The following CD101 variants were observed in gnomAD, a reference collection of about 807,000 sequenced individuals.
CD101 encodes immunoglobulin superfamily member 2.
A neutral mutation model predicts 98.2 loss-of-function variants in CD101; 76 were observed. That is an observed-to-expected ratio of 0.77 (90% CI 0.64 to 0.94). The LOEUF (loss-of-function observed/expected upper bound fraction) is 0.94, where lower values mean the gene tolerates loss of function less well. Ranked by LOEUF, CD101 falls within the 40% of genes least tolerant of loss-of-function variation. The pLI, the probability that CD101 is intolerant of heterozygous loss-of-function variation, is 0.00. For missense variants in CD101, 1,145 were observed against 1,218.8 expected, an observed-to-expected ratio of 0.94 and a Z score of 0.90; for synonymous variants, 471 against 472.7, an observed-to-expected ratio of 1.00 and a Z score of 0.05.
chr1:117,024,494 AAAATAAATAAAT>A (rs55950136), intron 7 of CD101, among the ~76,000 whole-genome samples: 7 of 150,406 alleles, frequency 4.7e-5, no homozygotes, highest in African/African-American at 9.7e-5. Context: ...AAATAAAATA[AAAATAAATAAAT>A]AAATAAATAA....
chr1:117,025,728 A>G lies in CD101; in HGVS notation c.2648A>G (p.His883Arg). The G allele has an allele frequency of 6.2e-7, 1 of 1,614,178 alleles. No individual in the cohort carries two copies. Among genetic ancestry groups the G allele is most frequent in the South Asian group, 1.1e-5 (1 of 91,090 alleles). ...GAAGAGGGGCTCAGGAGGCACCTGC[A>G]CTGTTACCGTTCATCCTCTACAGAC... The part of the protein sequence containing the change: ...YGEEGLRRHL[H>R]CYRSSSTDFV... The change falls in exon 8 of 10, where the codon CAC becomes CGC. Residue 883 changes from histidine to arginine, a missense_variant. Coordinates refer to ENST00000682167, the MANE Select transcript of CD101 (RefSeq NM_001256106.3).
intron 1 of CD101, 116 bp downstream of exon 1, chr1:117,001,976 G>A: frequency 1.1e-6 from 1 of 937,452 alleles, no homozygotes; most frequent in South Asian, 1.5e-5. Context: ...ATATATTTCT[G>A]ATGTTAGCAA....
chr1:117,009,956 A>T lies in CD101; in HGVS notation c.150A>T (p.Gly50=), dbSNP rs1553185147. The T allele has an allele frequency of 1.2e-6, 2 of 1,614,046 alleles. No individual in the cohort carries two copies. Among genetic ancestry groups the T allele is most frequent in the Non-Finnish European group, 8.5e-7 (1 of 1,180,042 alleles). The change falls in exon 2 of 10, where the codon GGA becomes GGT. Residue 50 remains glycine (G), a synonymous_variant. Coordinates refer to ENST00000682167, the MANE Select transcript of CD101 (RefSeq NM_001256106.3). ...GCTGCAATGTAACTGGCCACCAGGG[A>T]CCTTCTGAGCAGCATTTCCAGTGGT... The part of the protein sequence containing the change: ...SIGCNVTGHQ[G]PSEQHFQWSV...
intron 1 of CD101, among the ~76,000 whole-genome samples, chr1:117,009,239 G>A (rs1652728769): frequency 6.6e-6 from 1 of 152,222 alleles, no homozygotes; most frequent in Non-Finnish European, 1.5e-5. Flanking sequence ...TAAAGCTATA[G>A]TGGCTCTTTA....
intron 4 of CD101, 21 bp downstream of exon 4, chr1:117,013,813 G>A (rs200091316): frequency 5.7e-6 from 9 of 1,592,238 alleles, no homozygotes; most frequent in East Asian, 2.2e-5. Flanking sequence ...TCAAGGCCAG[G>A]CATGCATTGG....
chr1:117,026,400 C>T (rs751639158), intron 8 of CD101: 1 of 152,648 alleles, frequency 6.6e-6, no homozygotes, highest in Non-Finnish European at 1.5e-5. Flanking sequence ...CCCAGCGCAG[C>T]AGGGCTTCCA....
chr1:117,025,455 G>T (rs904462898), intron 7 of CD101, 54 bp from the exon 8 acceptor site: 121 of 1,446,742 alleles, frequency 8.4e-5, no homozygotes, highest in Non-Finnish European at 8.3e-6. Flanking sequence ...TTCAGAGGTG[G>T]TATCCAAATC....
intron 8 of CD101, among the ~76,000 whole-genome samples, chr1:117,029,180 AAAG>A (rs1654180879): frequency 9.5e-6 from 1 of 105,078 alleles, no homozygotes; most frequent in African/African-American, 4.1e-5. Flanking sequence ...AGAAAGAAAG[AAAG>A]AAAGAAAGAA....
At position 117,010,249 on chromosome 1, in the gene CD101, T is replaced by C. The variant is rs1156945857; in HGVS notation, c.424+19T>C. Reference sequence around the variant, plus strand: ...CTAATTGGTAAGTTGCTTGTCCACTTCTGCTAGCCAGCCCCTGAGAAGCCA... The same window carrying C: ...CTAATTGGTAAGTTGCTTGTCCACTCCTGCTAGCCAGCCCCTGAGAAGCCA... On this transcript the variant is annotated intron_variant, in intron 2 of 9. Coordinates refer to ENST00000682167, the MANE Select transcript of CD101 (RefSeq NM_001256106.3). The surrounding 1 kb of genome is among the most constrained non-coding windows in gnomAD (Gnocchi z 5.2). The C allele has an allele frequency of 1.3e-6, 2 of 1,589,566 alleles. No homozygotes were observed. Among genetic ancestry groups the C allele is most frequent in the African/African-American group, 1.3e-5 (1 of 74,536 alleles).
At position 117,029,207 on chromosome 1, in the gene CD101, A is replaced by AAG. The variant is rs1557778920; in HGVS notation, c.2824+3303_2824+3304insAG. On this transcript the variant is annotated intron_variant, in intron 8 of 9. Coordinates refer to ENST00000682167, the MANE Select transcript of CD101 (RefSeq NM_001256106.3). Reference sequence around the variant, plus strand: ...AGAAAGAAAGAAAGAAAGAAAGAAAAGAAAGAAAAGAAAGAAAGAAAGAAA... The same window carrying AAG: ...AGAAAGAAAGAAAGAAAGAAAGAAAAAGGAAAGAAAAGAAAGAAAGAAAGAAA... 2.6e-4 allele frequency among the ~76,000 whole-genome samples: 21 copies of AAG among 81,460 alleles called. No individual in the cohort carries two copies. The East Asian group carries it at 6.9e-3, about 27-fold the overall frequency. 53.4% of individuals were successfully genotyped at this position (81,460 alleles called of 152,430 possible).
intron 4 of CD101, among the ~76,000 whole-genome samples, chr1:117,016,818 T>C (rs1313443747): frequency 6.6e-6 from 1 of 152,244 alleles, no homozygotes; most frequent in Non-Finnish European, 1.5e-5. Flanking sequence ...ATCACAGTGC[T>C]GTGTTCTAGC....
intron 8 of CD101, chr1:117,032,112 A>ACCAT (rs1488794126): frequency 6.6e-6 from 1 of 152,260 alleles, no homozygotes; most frequent in Non-Finnish European, 1.5e-5. Flanking sequence ...ATCATTGCTC[A>ACCAT]CCATTTCAAA....
In CD101 at chr1:117,018,603, A is replaced by C. The variant is rs1293918669; in HGVS notation, c.2017+43A>C. 1 of 1,510,278 alleles carries C rather than the reference A, an allele frequency of 6.6e-7. No homozygotes were observed. Among genetic ancestry groups the C allele is most frequent in the Non-Finnish European group, 8.9e-7 (1 of 1,122,522 alleles). 93.6% of individuals were successfully genotyped at this position (1,510,278 alleles called of 1,614,324 possible). On this transcript the variant is annotated intron_variant, in intron 6 of 9. Transcript: ENST00000682167. This position sits in a 1 kb window ranked among gnomAD's most constrained non-coding sequence, Gnocchi z 4.3. ...TTAATCCCTGTTTTAAAAACAAACA[A>C]ATAGCAATCCTCCCATTTTGGGTAA...
intron 8 of CD101, among the ~76,000 whole-genome samples, chr1:117,030,862 T>C (rs1293105299): frequency 2.0e-5 from 3 of 152,200 alleles, no homozygotes; most frequent in Non-Finnish European, 4.4e-5. Context: ...GAAGTCAGTG[T>C]CTCTGAGGAA....
intron 1 of CD101, 25 bp from the exon 2 acceptor site, chr1:117,009,825 C>T: frequency 6.4e-7 from 1 of 1,566,220 alleles, no homozygotes; most frequent in Non-Finnish European, 8.7e-7. Context: ...TCTTTTTATT[C>T]CCCTTTCTTT....
At position 117,018,023 on chromosome 1, in the gene CD101, C is replaced by G. The variant is rs903936098; in HGVS notation, c.1613-133C>G. The G allele has an allele frequency of 4.6e-6, 4 of 871,820 alleles. No individual in the cohort carries two copies. The African/African-American group carries it at 6.8e-5, about 15-fold the overall frequency. The allele number at this position is 871,820 out of a possible 1,614,324, so 54.0% of individuals were successfully genotyped here. On this transcript the variant is annotated intron_variant, in intron 5 of 9. Coordinates refer to ENST00000682167, the MANE Select transcript of CD101 (RefSeq NM_001256106.3). This position sits in a 1 kb window ranked among gnomAD's most constrained non-coding sequence, Gnocchi z 4.3. ...AGACTGTACTGGGAATCAATTTCTACTCTATAAAATAGGAAACTCCAAATG... is the reference window on the plus strand; with the variant it reads ...AGACTGTACTGGGAATCAATTTCTAGTCTATAAAATAGGAAACTCCAAATG...
chr1:117,001,761 C>T lies in CD101; in HGVS notation c.-57C>T. On this transcript the variant is annotated 5_prime_UTR_variant, in exon 1 of 10. Coordinates refer to ENST00000682167, the MANE Select transcript of CD101 (RefSeq NM_001256106.3). ...TGCAGTGAGAGCACAGCATTTGTCA[C>T]TCAACCTCTGAATGTTAGTGACACT... The T allele has an allele frequency of 1.3e-6, 2 of 1,554,354 alleles. No individual in the cohort carries two copies. Among genetic ancestry groups the T allele is most frequent in the South Asian group, 2.2e-5 (2 of 89,406 alleles).
At position 117,010,224 on chromosome 1, in the gene CD101, C is replaced by CT; in HGVS notation, c.419dup (p.Ile141AsnfsTer18). 1 of 1,606,330 alleles carries CT rather than the reference C, an allele frequency of 6.2e-7. No individual in the cohort carries two copies. Among genetic ancestry groups the CT allele is most frequent in the African/African-American group, 1.3e-5 (1 of 74,924 alleles). Reference sequence around the variant, plus strand: ...TGGAAGTTACAGTGCAAAGACTAATCTAATTGGTAAGTTGCTTGTCCACTT... The same window carrying CT: ...TGGAAGTTACAGTGCAAAGACTAATCTTAATTGGTAAGTTGCTTGTCCACTT... On this transcript the variant is annotated frameshift_variant, in exon 2 of 10. Transcript: ENST00000682167. LOFTEE classifies it high-confidence loss of function. The surrounding 1 kb of genome is among the most constrained non-coding windows in gnomAD (Gnocchi z 5.2).
rs770110628 is a variant in CD101, at chr1:117,018,500, A to G, written c.1957A>G (p.Asn653Asp). Residue 653 changes from asparagine (N) to aspartate (D), a missense_variant, in exon 6 of 10, where the codon AAC becomes GAC. Asn to Asp is a conservative substitution (Grantham distance 23). Transcript: ENST00000682167. This position sits in a 1 kb window ranked among gnomAD's most constrained non-coding sequence, Gnocchi z 4.3. ...TTATGACAGAAATTCCCTATACAAC[A>G]ACCGCCCCCCGAGGGCTTCTGCCAT... ...EVYDRNSLYN[N>D]RPPRASAISH... The G allele has an allele frequency of 1.4e-5, 23 of 1,613,554 alleles. 1 individual carries two copies. The highest frequency in any genetic ancestry group is 1.6e-4 in the Middle Eastern group (1 of 6,082).
Sources: allele counts gnomAD v4.1 joint callset (sites outside exome capture counted in the v4.1 genomes callset), GRCh38; gene constraint gnomAD v4.1.1; non-coding constraint Gnocchi (gnomAD v3.1); transcripts MANE v1.5; gene names NCBI Gene and HGNC (gene_info 2026-07-23, HGNC 2026-07-21).